Variants in CA10 observed in about 807,000 individuals in gnomAD.
The protein encoded by CA10 is carbonic anhydrase 10 (inactive).
CA10 carries 14 observed loss-of-function variants against 44.2 expected under a neutral mutation model. That is an observed-to-expected ratio of 0.32 (90% CI 0.21 to 0.50). CA10 has a LOEUF of 0.50. Ranked by LOEUF, CA10 falls within the 20% of genes least tolerant of loss-of-function variation. CA10 has a pLI of 0.99. For missense variants in CA10, 350 were observed against 409.7 expected (o/e 0.85, Z 1.26); for synonymous variants, 159 against 141.6 (o/e 1.12, Z -0.87).
chr17:52,043,306 C>T (rs1986822261), intron 2 of CA10, among the ~76,000 whole-genome samples: 1 of 151,898 alleles, frequency 6.6e-6, no homozygotes, highest in South Asian at 2.1e-4. Flanking sequence ...AAATTTATTC[C>T]TAAGTATTTT....
At chr17:51,699,455 C>G (rs1470149423) in intron 4 of CA10, among the ~76,000 whole-genome samples, 3 of 152,062 alleles carry the variant, frequency 2.0e-5, no homozygotes, top group Non-Finnish European at 4.4e-5. Flanking sequence ...TTCTTGCAAC[C>G]GGAGACACAC....
At chr17:51,745,447 T>A (rs1904643731) in intron 4 of CA10, among the ~76,000 whole-genome samples, 1 of 152,214 alleles carries the variant, frequency 6.6e-6, no homozygotes, top group Non-Finnish European at 1.5e-5. Context: ...TGGGAACACA[T>A]AATAATGTAC....
At chr17:51,636,471 GAT>G (rs1245057056) in intron 6 of CA10, among the ~76,000 whole-genome samples, 6 of 152,206 alleles carry the variant, frequency 3.9e-5, no homozygotes, top group Non-Finnish European at 5.9e-5. Context: ...GGTTAAGGCT[GAT>G]GTTGGGGATG....
chr17:52,075,209 CA>C (rs1169052397), intron 1 of CA10, among the ~76,000 whole-genome samples: 3 of 152,048 alleles, frequency 2.0e-5, no homozygotes, highest in African/African-American at 7.2e-5. Flanking sequence ...TAATGTAAAA[CA>C]AAATATTATA....
At chr17:51,781,738 TTTATCCC>T (rs1365033687) in intron 3 of CA10, among the ~76,000 whole-genome samples, 1 of 152,188 alleles carries the variant, frequency 6.6e-6, no homozygotes, top group Non-Finnish European at 1.5e-5. Flanking sequence ...AAGTCCCACC[TTTATCCC>T]TATGCCATAT....
chr17:52,154,134 C>A (rs1989757360), intron 1 of CA10, among the ~76,000 whole-genome samples: 1 of 152,084 alleles, frequency 6.6e-6, no homozygotes, highest in Non-Finnish European at 1.5e-5. Flanking sequence ...TCTAAGACTT[C>A]AATTCATTTA....
At chr17:51,705,727 C>T (rs553971404) in intron 4 of CA10, among the ~76,000 whole-genome samples, 1 of 152,244 alleles carries the variant, frequency 6.6e-6, no homozygotes, top group East Asian at 1.9e-4. Flanking sequence ...CAGTGTCTCT[C>T]AAACCTTAAG....
At chr17:51,872,685 C>T (rs1417446483) in intron 3 of CA10, among the ~76,000 whole-genome samples, 1 of 152,152 alleles carries the variant, frequency 6.6e-6, no homozygotes, top group Non-Finnish European at 1.5e-5. Context: ...CTTGCAAGAG[C>T]CAATTGTTAA....
At chr17:51,639,376 T>C (rs1229422593) in intron 6 of CA10, among the ~76,000 whole-genome samples, 1 of 151,924 alleles carries the variant, frequency 6.6e-6, no homozygotes, top group Non-Finnish European at 1.5e-5. Flanking sequence ...AAAAGGAACA[T>C]GTTTTGTTTC....
intron 3 of CA10, among the ~76,000 whole-genome samples, chr17:51,831,733 A>AGCCGCCGCAGC (rs1567854687): frequency 1.3e-4 from 16 of 121,576 alleles, no homozygotes; most frequent in African/African-American, 6.2e-4. Flanking sequence ...GCAGCAGCAG[A>AGCCGCCGCAGC]AAAAGACCTT....
chr17:52,020,935 T>C (rs1396511927), intron 2 of CA10, among the ~76,000 whole-genome samples: 2 of 152,044 alleles, frequency 1.3e-5, no homozygotes, highest in Non-Finnish European at 2.9e-5. Flanking sequence ...GTTTGCTTAG[T>C]ATAATGGCCT....
chr17:52,126,344 A>T (rs1209930039), intron 1 of CA10, among the ~76,000 whole-genome samples: 1 of 152,192 alleles, frequency 6.6e-6, no homozygotes, highest in Non-Finnish European at 1.5e-5. Flanking sequence ...TTTAATTTTG[A>T]TGTAATGCAG....
chr17:51,983,267 C>A (rs938207117), intron 2 of CA10, among the ~76,000 whole-genome samples: 2 of 151,798 alleles, frequency 1.3e-5, no homozygotes, highest in Admixed American at 1.3e-4. Context: ...ATATTCCTAT[C>A]TAGGGCATTC....
intron 1 of CA10, among the ~76,000 whole-genome samples, chr17:52,107,647 T>C (rs1205546984): frequency 6.6e-6 from 1 of 152,152 alleles, no homozygotes; most frequent in African/African-American, 2.4e-5. Context: ...GATGAGGCCC[T>C]TCAAGTCCAA....
chr17:51,895,567 CTAAG>C (rs1981034480), intron 3 of CA10, among the ~76,000 whole-genome samples: 1 of 151,952 alleles, frequency 6.6e-6, no homozygotes, highest in Admixed American at 6.6e-5. Context: ...ATAGTTAATA[CTAAG>C]TAATGGTTGA....
intron 2 of CA10, among the ~76,000 whole-genome samples, chr17:51,943,000 T>C (rs1447611051): frequency 6.6e-6 from 1 of 152,108 alleles, no homozygotes; most frequent in Non-Finnish European, 1.5e-5. Flanking sequence ...CCATTTTCTC[T>C]CCCGTCCTTG....
At chr17:51,916,827 TG>T (rs530404985) in intron 3 of CA10, among the ~76,000 whole-genome samples, 4 of 152,160 alleles carry the variant, frequency 2.6e-5, no homozygotes, top group Non-Finnish European at 5.9e-5. Context: ...CAACTGGGCC[TG>T]GGGGACCTGA....
At chr17:52,035,029 C>T (rs1986576149) in intron 2 of CA10, among the ~76,000 whole-genome samples, 1 of 152,172 alleles carries the variant, frequency 6.6e-6, no homozygotes, top group African/African-American at 2.4e-5. Context: ...CTGATAGGGA[C>T]AGGAGGCAGA....
chr17:51,783,736 A>G (rs1906146910), intron 3 of CA10, among the ~76,000 whole-genome samples: 1 of 152,204 alleles, frequency 6.6e-6, no homozygotes, highest in South Asian at 2.1e-4. Flanking sequence ...GAATTTCCAG[A>G]GTCAGTTCTT....
Sources: allele counts gnomAD v4.1 joint callset (sites outside exome capture counted in the v4.1 genomes callset), GRCh38; gene constraint gnomAD v4.1.1; transcripts MANE v1.5; gene names NCBI Gene and HGNC (gene_info 2026-07-23, HGNC 2026-07-21).